Variants in FBXW12 observed in about 807,000 individuals in gnomAD.
The protein encoded by FBXW12 is F-box and WD repeat domain containing 12, also known as F-box/WD repeat-containing protein 12.
FBXW12 carries 43 observed loss-of-function variants against 55.3 expected under a neutral mutation model. That is an observed-to-expected ratio of 0.78 (90% CI 0.61 to 1.00). The LOEUF (loss-of-function observed/expected upper bound fraction) is 1.00. Among genes scored for constraint, FBXW12 ranks in the 50% least tolerant of loss-of-function variants. The pLI is 0.00. For missense variants in FBXW12, 524 were observed against 560.5 expected (o/e 0.93, Z 0.66); for synonymous variants, 184 against 203.8 (o/e 0.90, Z 0.83).
chr3:48,379,294 G>T (rs1047762416), intron 6 of FBXW12, 106 bp from the exon 7 acceptor site: 5 of 1,025,210 alleles, frequency 4.9e-6, no homozygotes, highest in East Asian at 4.7e-5. Flanking sequence ...TCCATTATGT[G>T]ATTGAAGAAA....
intron 1 of FBXW12, among the ~76,000 whole-genome samples, 177 bp downstream of exon 1, chr3:48,372,497 G>A (rs1309247055): frequency 1.3e-5 from 2 of 152,210 alleles, no homozygotes; most frequent in East Asian, 1.9e-4. Flanking sequence ...AGCTCACAGC[G>A]CACAGGTGTT....
chr3:48,373,683 C>G lies in FBXW12; in HGVS notation c.264C>G (p.Ile88Met), dbSNP rs1439481175. 1 of 1,614,054 alleles carries G rather than the reference C, an allele frequency of 6.2e-7. No homozygotes were observed. Among genetic ancestry groups the G allele is most frequent in the Non-Finnish European group, 8.5e-7 (1 of 1,179,938 alleles). ...CATTGGCACAGCCGCATAACTTTAT[C>G]TACAAAGTAACTAAGAACATCGGTA... The part of the protein sequence containing the change: ...RLALAQPHNF[I>M]YKVTKNIAFE... Residue 88 changes from isoleucine to methionine, a missense_variant, in exon 4 of 11, where the codon ATC becomes ATG. Ile to Met is a conservative substitution (Grantham distance 10). Transcript: ENST00000296438.
At chr3:48,386,946 T>TTTC (rs1327385893) in intron 10 of FBXW12, among the ~76,000 whole-genome samples, 1 of 151,588 alleles carries the variant, frequency 6.6e-6, no homozygotes. Flanking sequence ...TTCTTCTTTT[T>TTTC]TTTTTTTTTA....
intron 8 of FBXW12, 27 bp downstream of exon 8, chr3:48,380,939 T>G (rs2036758649): frequency 6.4e-7 from 1 of 1,571,426 alleles, no homozygotes; most frequent in Non-Finnish European, 8.8e-7. Flanking sequence ...TAGAAACGCT[T>G]GTTTCTCTTC....
At chr3:48,385,675 C>T (rs2036838979) in intron 10 of FBXW12, among the ~76,000 whole-genome samples, 1 of 152,192 alleles carries the variant, frequency 6.6e-6, no homozygotes, top group African/African-American at 2.4e-5. Flanking sequence ...TTCACATCCT[C>T]ACCAACAATT....
In FBXW12 at chr3:48,373,556, C is replaced by T; in HGVS notation, c.137C>T (p.Ser46Phe). 1.2e-6 allele frequency: 2 copies of T among 1,613,826 alleles called. No homozygotes were observed. The highest frequency in any genetic ancestry group is 2.2e-5 in the South Asian group (2 of 91,074). The change falls in exon 4 of 11, where the codon TCT becomes TTT. Residue 46 changes from serine to phenylalanine, a missense_variant. By Grantham distance (155) the Ser-to-Phe change is radical. Transcript: ENST00000296438. ...TGTGACTCTGTTTCCAGGTCACTATCTCTGCAGAGATGGGACTGCAGCAAC... is the reference window on the plus strand; with the variant it reads ...TGTGACTCTGTTTCCAGGTCACTATTTCTGCAGAGATGGGACTGCAGCAAC... ...ADSDYLWRSL[S>F]LQRWDCSNFT...
Position 48,379,446 on chromosome 3 carries a change from TAA to T in FBXW12, c.663_664del (p.Asp223CysfsTer3). 1 of 1,614,194 alleles carries T rather than the reference TAA, an allele frequency of 6.2e-7. No homozygotes were observed. Among genetic ancestry groups the T allele is most frequent in the Admixed American group, 1.7e-5 (1 of 60,030 alleles). On this transcript the variant is annotated frameshift_variant, in exon 7 of 11. Transcript: ENST00000296438. LOFTEE classifies it high-confidence loss of function. ...ATCTACACATTTACACTGCCTGGGT[TAA>T]GAGATGTTTCTAAAGTTACTGCATT...
At chr3:48,382,357 C>T (rs183555938) in intron 10 of FBXW12, among the ~76,000 whole-genome samples, 18 of 152,248 alleles carry the variant, frequency 1.2e-4, no homozygotes, top group Middle Eastern at 3.4e-3. Flanking sequence ...TCTCGTGATC[C>T]GCCCGCCTTG....
chr3:48,384,384 G>C (rs1471790344), intron 10 of FBXW12, among the ~76,000 whole-genome samples: 3 of 152,024 alleles, frequency 2.0e-5, no homozygotes, highest in Admixed American at 2.0e-4. Context: ...TATTGACCTT[G>C]TATCCCGCAA....
chr3:48,388,930 G>A (rs1276826516), intron 10 of FBXW12, among the ~76,000 whole-genome samples: 1 of 152,080 alleles, frequency 6.6e-6, no homozygotes, highest in African/African-American at 2.4e-5. Context: ...ATTAACTATA[G>A]CCACCATGCT....
intron 10 of FBXW12, among the ~76,000 whole-genome samples, chr3:48,390,740 A>G (rs2036912897): frequency 6.6e-6 from 1 of 151,938 alleles, no homozygotes; most frequent in South Asian, 2.1e-4. Context: ...AGTGTTTTGT[A>G]GTTCTCCTTG....
At chr3:48,374,703 C>T (rs980348772) in intron 4 of FBXW12, among the ~76,000 whole-genome samples, 4 of 150,794 alleles carry the variant, frequency 2.7e-5, no homozygotes, top group Non-Finnish European at 5.9e-5. Context: ...TGAACTCAAG[C>T]GATCCTCCCA....
At chr3:48,389,771 A>C (rs945430321) in intron 10 of FBXW12, among the ~76,000 whole-genome samples, 10 of 152,348 alleles carry the variant, frequency 6.6e-5, no homozygotes, top group African/African-American at 2.2e-4. Flanking sequence ...TCCCAAAGCC[A>C]ACACTGATGT....
intron 4 of FBXW12, among the ~76,000 whole-genome samples, chr3:48,374,801 A>C (rs1560029804): frequency 9.2e-6 from 1 of 109,170 alleles, no homozygotes; most frequent in Non-Finnish European, 1.8e-5. Flanking sequence ...ACAGAGTCTC[A>C]TTTTGTCTCC....
Position 48,373,434 on chromosome 3 carries a change from G to A in FBXW12, c.128+89G>A, listed in dbSNP as rs1243543466. ...TGTGTCCCAAGGCCTGTGTGGCTGTGTTGTGAGATATACACAGGAAAGTTA... is the reference window on the plus strand; with the variant it reads ...TGTGTCCCAAGGCCTGTGTGGCTGTATTGTGAGATATACACAGGAAAGTTA... On this transcript the variant is annotated intron_variant, in intron 3 of 10. Coordinates refer to ENST00000296438, the MANE Select transcript of FBXW12 (RefSeq NM_207102.2). The A allele has an allele frequency of 6.8e-6, 11 of 1,610,558 alleles. No homozygotes were observed. In the East Asian group the frequency reaches 2.5e-4, roughly 36 times the overall value.
chr3:48,386,643 T>C (rs964820079), intron 10 of FBXW12, among the ~76,000 whole-genome samples: 2 of 152,212 alleles, frequency 1.3e-5, no homozygotes, highest in Non-Finnish European at 2.9e-5. Flanking sequence ...CATTTATTTA[T>C]GTCTTCTTTT....
rs571128178 is a variant in FBXW12, at chr3:48,386,009, T to C, written c.1295+3924T>C. 2.0e-5 allele frequency among the ~76,000 whole-genome samples: 3 copies of C among 152,348 alleles called. No homozygotes were observed. In the South Asian group the frequency reaches 6.2e-4, roughly 32 times the overall value. ...TTTCCTGTGCAGAAACTTTTTAGGT[T>C]GATGCAATCCCGTTTACCTATTTTT... is the stretch of plus-strand genomic sequence containing the variant. On this transcript the variant is annotated intron_variant, in intron 10 of 10. Transcript: ENST00000296438.
chr3:48,387,551 GTT>G, intron 10 of FBXW12, among the ~76,000 whole-genome samples: 1 of 25,368 alleles, frequency 3.9e-5, no homozygotes, highest in Admixed American at 4.3e-4. Context: ...TTTCTAGTTT[GTT>G]TGTTTGTTTG....
At chr3:48,384,240 GATAA>G (rs2036814689) in intron 10 of FBXW12, among the ~76,000 whole-genome samples, 1 of 151,912 alleles carries the variant, frequency 6.6e-6, no homozygotes, top group Non-Finnish European at 1.5e-5. Context: ...TAGTTTTTAG[GATAA>G]ATATTTTGCA....
Sources: gnomAD v4.1 joint callset for allele counts (sites outside exome capture counted in the v4.1 genomes callset) on GRCh38, gnomAD v4.1.1 for gene constraint, MANE v1.5 for transcripts, NCBI Gene and HGNC (gene_info 2026-07-23, HGNC 2026-07-21) for gene names.